Variants in HEATR9 observed in about 807,000 individuals in gnomAD.
HEATR9 encodes HEAT repeat containing 9.
Under a neutral mutation model 68.2 loss-of-function variants are expected in HEATR9, and 54 were observed. That is an observed-to-expected ratio of 0.79 (90% CI 0.64 to 0.99). The LOEUF is 0.99. HEATR9 is among the 50% of genes least tolerant of loss of function. HEATR9 has a pLI of 0.00. For missense variants in HEATR9, 662 were observed against 679.7 expected (o/e 0.97, Z 0.29); for synonymous variants, 241 against 253.5 (o/e 0.95, Z 0.47).
At position 35,855,135 on chromosome 17, in the gene HEATR9, C is replaced by T. The variant is rs1468156161; in HGVS notation, c.1641G>A (p.Arg547=). The change falls in exon 15 of 15, where the codon AGG becomes AGA. Residue 547 remains arginine (R), a synonymous_variant. Coordinates refer to ENST00000604834, the MANE Select transcript of HEATR9 (RefSeq NM_152781.4). ...GCTGCCAGGGCCCTATGACCTGTGGCCTATGTTTTCGTGGTTTCGAGCAGC... is the reference window on the plus strand; with the variant it reads ...GCTGCCAGGGCCCTATGACCTGTGGTCTATGTTTTCGTGGTTTCGAGCAGC... ...PPCCSKPRKH[R]PQVIGPWQPR... The T allele has an allele frequency of 6.2e-7, 1 of 1,614,122 alleles. No homozygotes were observed. Among genetic ancestry groups the T allele is most frequent in the Admixed American group, 1.7e-5 (1 of 60,024 alleles).
At position 35,858,540 on chromosome 17, in the gene HEATR9, G is replaced by T; in HGVS notation, c.940-15C>A. 1 of 1,608,870 alleles carries T rather than the reference G, an allele frequency of 6.2e-7. No homozygotes were observed. Among genetic ancestry groups the T allele is most frequent in the Non-Finnish European group, 8.5e-7 (1 of 1,176,418 alleles). On this transcript the variant is annotated splice_polypyrimidine_tract_variant and intron_variant, in intron 9 of 14. Coordinates refer to ENST00000604834, the MANE Select transcript of HEATR9 (RefSeq NM_152781.4). The stretch of plus-strand genomic sequence containing the variant: ...ATCCTAAGTGCCTATGAGGGGGCAG[G>T]GTAGGGCAGGGTGTACAGGGCCTAG...
At chr17:35,860,918 T>A (rs2087965664) in intron 8 of HEATR9, among the ~76,000 whole-genome samples, 2 of 151,982 alleles carry the variant, frequency 1.3e-5, no homozygotes, top group African/African-American at 4.8e-5. Flanking sequence ...TGGTGGCACA[T>A]GCCTGTAATC....
intron 8 of HEATR9, among the ~76,000 whole-genome samples, chr17:35,862,164 A>T (rs781739531): frequency 2.0e-5 from 3 of 152,050 alleles, no homozygotes; most frequent in Non-Finnish European, 2.9e-5. Context: ...GTGAGCCACC[A>T]CGCCTGGCCT....
At chr17:35,861,494 C>T (rs2087991001) in intron 8 of HEATR9, 1 of 1,225,882 alleles carries the variant, frequency 8.2e-7, no homozygotes. Flanking sequence ...ACCTTGCAGT[C>T]GTTGCGGACA....
At chr17:35,867,603 G>C (rs1306316074) in intron 1 of HEATR9, among the ~76,000 whole-genome samples, 1 of 151,988 alleles carries the variant, frequency 6.6e-6, no homozygotes, top group South Asian at 2.1e-4. Context: ...GAGCCAAGGA[G>C]TTCAAGACCA....
At chr17:35,862,493 G>T (rs1028297686) in intron 8 of HEATR9, among the ~76,000 whole-genome samples, 1 of 152,198 alleles carries the variant, frequency 6.6e-6, no homozygotes, top group Admixed American at 6.5e-5. Flanking sequence ...TAGAGATGAT[G>T]ATAATAATGA....
At chr17:35,861,182 G>A in intron 8 of HEATR9, 2 of 1,598,778 alleles carry the variant, frequency 1.3e-6, no homozygotes, top group Non-Finnish European at 1.7e-6. Flanking sequence ...TGGATGTTTT[G>A]CTTGACTTCT....
intron 2 of HEATR9, 148 bp from the exon 3 acceptor site, chr17:35,865,544 C>A: frequency 3.3e-6 from 2 of 605,906 alleles, no homozygotes; most frequent in Non-Finnish European, 5.8e-6. Context: ...CAGCTACCAC[C>A]TAACCCCTTG....
At chr17:35,867,588 T>G (rs957523734) in intron 1 of HEATR9, among the ~76,000 whole-genome samples, 2 of 152,040 alleles carry the variant, frequency 1.3e-5, no homozygotes, top group Admixed American at 1.3e-4. Context: ...GCGGGCAGAT[T>G]GCTTGAGCCA....
chr17:35,865,798 G>C (rs1014262710), intron 2 of HEATR9, among the ~76,000 whole-genome samples: 3 of 152,140 alleles, frequency 2.0e-5, no homozygotes, highest in Non-Finnish European at 4.4e-5. Context: ...GTGTGGGGAG[G>C]ATGTGGGATA....
At position 35,858,254 on chromosome 17, in the gene HEATR9, T is replaced by G; in HGVS notation, c.1098A>C (p.Leu366=). 1 of 1,614,204 alleles carries G rather than the reference T, an allele frequency of 6.2e-7. No individual in the cohort carries two copies. Among genetic ancestry groups the G allele is most frequent in the Admixed American group, 1.7e-5 (1 of 60,030 alleles). The change falls in exon 11 of 15, where the codon CTA becomes CTC. Residue 366 remains leucine (L), a synonymous_variant. Transcript: ENST00000604834. ...TGAGCAGGTTAAATGTGAGTTCCTCTAGCCCCTGTGCCTGGATCTGTTCCA... is the reference window on the plus strand; with the variant it reads ...TGAGCAGGTTAAATGTGAGTTCCTCGAGCCCCTGTGCCTGGATCTGTTCCA... ...IGLEQIQAQG[L]EELTFNLLRR...
Position 35,858,897 on chromosome 17 carries a change from C to G in HEATR9, c.930G>C (p.Gln310His). ...LQCLCQGLKT[Q>H]RMKALRMLVK... ...CTCCTGCCCCTCACACCTTCATCCG[C>G]TGGGTCTTGAGTCCTTGGCACAGGC... The change falls in exon 9 of 15, where the codon CAG becomes CAC. Residue 310 changes from glutamine to histidine, a missense_variant. Coordinates refer to ENST00000604834, the MANE Select transcript of HEATR9 (RefSeq NM_152781.4). The G allele has an allele frequency of 6.2e-7, 1 of 1,613,662 alleles. No homozygotes were observed. The highest frequency in any genetic ancestry group is 2.2e-5 in the East Asian group (1 of 44,878).
Position 35,859,080 on chromosome 17 carries a change from A to G in HEATR9, c.757-10T>C, listed in dbSNP as rs1245360878. 2 of 1,612,632 alleles carry G rather than the reference A, an allele frequency of 1.2e-6. No individual in the cohort carries two copies. The highest frequency in any genetic ancestry group is 2.2e-5 in the South Asian group (2 of 91,024). The stretch of plus-strand genomic sequence containing the variant: ...CCCCGACTTGAGTCCTCTGTGAGGG[A>G]GACAAAATGGCTAAGGGGAGGGGCT... On this transcript the variant is annotated splice_polypyrimidine_tract_variant and intron_variant, in intron 8 of 14. Coordinates refer to ENST00000604834, the MANE Select transcript of HEATR9 (RefSeq NM_152781.4).
chr17:35,864,820 A>G lies in HEATR9; in HGVS notation c.391T>C (p.Ser131Pro), dbSNP rs139013100. 4 of 1,613,988 alleles carry G rather than the reference A, an allele frequency of 2.5e-6. No homozygotes were observed. In the African/African-American group the frequency reaches 4.0e-5, roughly 16 times the overall value. The change falls in exon 4 of 15, where the codon TCT (serine) becomes CCT (proline). Residue 131 changes from serine to proline, a missense_variant. By Grantham distance (74) the Ser-to-Pro change is moderately conservative (BLOSUM62 -1). Coordinates refer to ENST00000604834, the MANE Select transcript of HEATR9 (RefSeq NM_152781.4). The stretch of plus-strand genomic sequence containing the variant: ...TCTAAGGGCCTGGATCGCATCTCAG[A>G]TTTTATAGTCAGCTTGCTCATTGGG... ...HLPMSKLTIK[S>P]EMRSRPLEPT... is the part of the protein sequence containing the mutation.
At position 35,863,126 on chromosome 17, in the gene HEATR9, C is replaced by T. The variant is rs2088056906; in HGVS notation, c.626-1G>A. 5 of 1,613,984 alleles carry T rather than the reference C, an allele frequency of 3.1e-6. No individual in the cohort carries two copies. The East Asian group carries it at 1.1e-4, about 36-fold the overall frequency. On this transcript the variant is annotated splice_acceptor_variant, in intron 7 of 14. Coordinates refer to ENST00000604834, the MANE Select transcript of HEATR9 (RefSeq NM_152781.4). LOFTEE classifies it high-confidence loss of function. The stretch of plus-strand genomic sequence containing the variant: ...CGGATCACATGCTTATTCAGGCAAC[C>T]TGGACAGGGAGGGGCCTCAAGTCAG...
At chr17:35,865,177 T>G in intron 3 of HEATR9, 38 bp downstream of exon 3, 1 of 1,592,748 alleles carries the variant, frequency 6.3e-7, no homozygotes, top group Non-Finnish European at 8.6e-7. Context: ...CTAGAAGATG[T>G]GGAGGGTGAG....
rs2143896520 is a variant in HEATR9, at chr17:35,858,253, C to G, written c.1099G>C (p.Glu367Gln). The G allele has an allele frequency of 1.2e-6, 2 of 1,614,172 alleles. No homozygotes were observed. Among genetic ancestry groups the G allele is most frequent in the Non-Finnish European group, 1.7e-6 (2 of 1,180,030 alleles). Residue 367 changes from glutamate to glutamine, a missense_variant, in exon 11 of 15, where the codon GAG becomes CAG. Physicochemically the swap from Glu to Gln is conservative, Grantham distance 29. Coordinates refer to ENST00000604834, the MANE Select transcript of HEATR9 (RefSeq NM_152781.4). Reference sequence around the variant, plus strand: ...CTGAGCAGGTTAAATGTGAGTTCCTCTAGCCCCTGTGCCTGGATCTGTTCC... The same window carrying G: ...CTGAGCAGGTTAAATGTGAGTTCCTGTAGCCCCTGTGCCTGGATCTGTTCC... ...GLEQIQAQGLEELTFNLLRRK... is the reference protein window; with the variant it reads ...GLEQIQAQGLQELTFNLLRRK...
Position 35,864,147 on chromosome 17 carries a change from G to A in HEATR9, c.567+99C>T, listed in dbSNP as rs182559425. ...GCTGTGTCCTTACTGGATCTGACCC[G>A]CCATCCTAGCACCCCGGGGAGCCTC... On this transcript the variant is annotated intron_variant, in intron 6 of 14. Transcript: ENST00000604834. 8.8e-4 allele frequency: 862 copies of A among 979,550 alleles called. 1 individual carries two copies. The highest frequency in any genetic ancestry group is 1.6e-3 in the Admixed American group (86 of 54,564). The allele number at this position is 979,550 out of a possible 1,614,324, so 60.7% of individuals were successfully genotyped here. A position where few individuals can be genotyped will look rare whatever the true frequency, so the allele number is the denominator to read the frequency against.
chr17:35,862,199 G>A (rs1295373029), intron 8 of HEATR9, among the ~76,000 whole-genome samples: 2 of 152,028 alleles, frequency 1.3e-5, no homozygotes. Context: ...AAATTTATTG[G>A]TTATTATGTG....
Sources: gnomAD v4.1 joint callset for allele counts (sites outside exome capture counted in the v4.1 genomes callset) on GRCh38, gnomAD v4.1.1 for gene constraint, MANE v1.5 for transcripts, NCBI Gene and HGNC (gene_info 2026-07-23, HGNC 2026-07-21) for gene names.